Variants in RBMS1 observed in about 807,000 individuals in gnomAD.
RBMS1 encodes the protein RNA-binding motif, single-stranded-interacting protein 1.
A neutral mutation model predicts 62.3 loss-of-function variants in RBMS1; 17 were observed. The ratio of observed to expected loss-of-function variants is 0.27; its 90% CI spans 0.19 to 0.41. The LOEUF (loss-of-function observed/expected upper bound fraction) is 0.41. Ranked by LOEUF, RBMS1 falls within the 10% of genes least tolerant of loss-of-function variation. The probability of loss-of-function intolerance (pLI) is 1.00; values close to 1 mark genes in which losing one functional copy is unlikely to be tolerated. For synonymous variants in RBMS1, 172 were observed against 170.0 expected (o/e 1.01, Z -0.09); for missense variants, 334 against 504.5 (o/e 0.66, Z 3.24).
chr2:160,329,578 T>C (rs916508318), intron 2 of RBMS1, among the ~76,000 whole-genome samples: 3 of 152,088 alleles, frequency 2.0e-5, no homozygotes, highest in Non-Finnish European at 2.9e-5. Flanking sequence ...ATTATCTTTA[T>C]ATGAAAACAC....
chr2:160,478,166 T>C (rs77917589), intron 1 of RBMS1, among the ~76,000 whole-genome samples: 9,244 of 152,302 alleles, frequency 0.061, 375 homozygotes, highest in South Asian at 0.17. Context: ...ATGGTACACA[T>C]ACAACTTAGG....
intron 1 of RBMS1, among the ~76,000 whole-genome samples, chr2:160,443,893 G>T (rs908915876): frequency 4.6e-5 from 7 of 152,100 alleles, no homozygotes; most frequent in African/African-American, 1.4e-4. Context: ...TTCTGTACTT[G>T]TAGTACTTGT....
At chr2:160,285,626 TGA>T (rs1160497860) in intron 7 of RBMS1, among the ~76,000 whole-genome samples, 1 of 151,632 alleles carries the variant, frequency 6.6e-6, no homozygotes, top group East Asian at 1.9e-4. Context: ...ATTACGAAAT[TGA>T]GAGTTTTAAT....
intron 6 of RBMS1, among the ~76,000 whole-genome samples, chr2:160,295,362 C>T (rs764207137): frequency 8.5e-5 from 13 of 152,196 alleles, no homozygotes; most frequent in African/African-American, 3.1e-4. Context: ...ATAGCTCCTG[C>T]CCCCAAAGAA....
intron 1 of RBMS1, among the ~76,000 whole-genome samples, chr2:160,432,060 T>C (rs1439513960): frequency 6.6e-6 from 1 of 152,210 alleles, no homozygotes; most frequent in Non-Finnish European, 1.5e-5. Context: ...TTCAATACTA[T>C]TTATTGAACA....
chr2:160,307,320 A>AG (rs1028559272), intron 4 of RBMS1, among the ~76,000 whole-genome samples: 3 of 129,634 alleles, frequency 2.3e-5, no homozygotes, highest in Non-Finnish European at 3.2e-5. Context: ...CTGGATGGAG[A>AG]GGGGGGATTA....
intron 2 of RBMS1, among the ~76,000 whole-genome samples, chr2:160,357,821 C>T (rs2106013242): frequency 6.6e-6 from 1 of 152,226 alleles, no homozygotes; most frequent in African/African-American, 2.4e-5. Context: ...ACTGACAGTT[C>T]TAATGATAAA....
chr2:160,344,468 T>C (rs1692063700), intron 2 of RBMS1, among the ~76,000 whole-genome samples: 1 of 152,176 alleles, frequency 6.6e-6, no homozygotes, highest in Non-Finnish European at 1.5e-5. Context: ...CATTTTTCTT[T>C]TGTTTTTTGT....
intron 1 of RBMS1, among the ~76,000 whole-genome samples, chr2:160,411,065 A>AACAG (rs1288939911): frequency 1.3e-5 from 2 of 152,138 alleles, no homozygotes; most frequent in African/African-American, 4.8e-5. Context: ...TTTCAAGGGA[A>AACAG]ACAGACTTTG....
chr2:160,346,238 A>G (rs1692166738), intron 2 of RBMS1, among the ~76,000 whole-genome samples: 1 of 152,126 alleles, frequency 6.6e-6, no homozygotes, highest in African/African-American at 2.4e-5. Flanking sequence ...ACTCTTTAAC[A>G]TGAATATGCC....
chr2:160,432,274 G>C (rs150887403), intron 1 of RBMS1: 1 of 152,280 alleles, frequency 6.6e-6, no homozygotes, highest in East Asian at 1.9e-4. Flanking sequence ...ATGGAGAACA[G>C]GGAAAAGGGG....
chr2:160,414,978 A>G (rs1424489400), intron 1 of RBMS1, among the ~76,000 whole-genome samples: 1 of 152,222 alleles, frequency 6.6e-6, no homozygotes, highest in Non-Finnish European at 1.5e-5. Flanking sequence ...GTGAATTTGT[A>G]GCTATAGATC....
intron 1 of RBMS1, among the ~76,000 whole-genome samples, chr2:160,425,803 A>G (rs1351562061): frequency 6.6e-6 from 1 of 152,178 alleles, no homozygotes; most frequent in Admixed American, 6.5e-5. Flanking sequence ...CTGCTTTCTC[A>G]GGTTCTGTTG....
At chr2:160,473,268 A>C (rs1684995595) in intron 1 of RBMS1, among the ~76,000 whole-genome samples, 1 of 152,202 alleles carries the variant, frequency 6.6e-6, no homozygotes, top group Admixed American at 6.5e-5. Flanking sequence ...TTTTGTTTCC[A>C]GGTCTATAGA....
chr2:160,419,680 C>T (rs937297267), intron 1 of RBMS1, among the ~76,000 whole-genome samples: 1 of 152,150 alleles, frequency 6.6e-6, no homozygotes, highest in Non-Finnish European at 1.5e-5. Flanking sequence ...TCCCAGACAA[C>T]AAAAGTAAAC....
intron 2 of RBMS1, among the ~76,000 whole-genome samples, chr2:160,335,643 A>G (rs560695429): frequency 2.0e-5 from 3 of 152,322 alleles, no homozygotes; most frequent in East Asian, 1.9e-4. Flanking sequence ...TGGACTTACA[A>G]TCCTGATGTA....
At chr2:160,393,958 T>G (rs1695002272) in intron 1 of RBMS1, among the ~76,000 whole-genome samples, 2 of 152,186 alleles carry the variant, frequency 1.3e-5, no homozygotes, top group Non-Finnish European at 2.9e-5. Flanking sequence ...CCTAGTATAC[T>G]ACACTTCTTT....
At chr2:160,440,541 A>G (rs1258653855) in intron 1 of RBMS1, among the ~76,000 whole-genome samples, 1 of 152,164 alleles carries the variant, frequency 6.6e-6, no homozygotes, top group Non-Finnish European at 1.5e-5. Flanking sequence ...ATTTACTGCT[A>G]GCAAAGCCTG....
At chr2:160,482,440 C>T (rs546885721) in intron 1 of RBMS1, among the ~76,000 whole-genome samples, 2 of 152,282 alleles carry the variant, frequency 1.3e-5, no homozygotes, top group African/African-American at 4.8e-5. Flanking sequence ...AATTATTCCA[C>T]TGCACTTTGT....
Sources: gnomAD v4.1 joint callset for allele counts (sites outside exome capture counted in the v4.1 genomes callset) on GRCh38, gnomAD v4.1.1 for gene constraint, MANE v1.5 for transcripts, NCBI Gene and HGNC (gene_info 2026-07-23, HGNC 2026-07-21) for gene names.